ADAM18: variants seen among roughly 807,000 people sequenced by gnomAD.
The protein encoded by ADAM18 is disintegrin and metalloproteinase domain-containing protein 18.
ADAM18 carries 117 observed loss-of-function variants against 94.4 expected under a neutral mutation model. That is an observed-to-expected ratio of 1.24 (90% confidence interval 1.07 to 1.45). The LOEUF (loss-of-function observed/expected upper bound fraction) is 1.45. Among genes scored for constraint, ADAM18 ranks in the 40% most tolerant of loss-of-function variants. The probability of loss-of-function intolerance (pLI) is 0.00; values close to 1 mark genes in which losing one functional copy is unlikely to be tolerated. For synonymous variants in ADAM18, 327 were observed against 291.6 expected (o/e 1.12, Z -1.24); for missense variants, 936 against 880.0 (o/e 1.06, Z -0.81).
At chr8:39,673,466 C>T (rs1821210687) in intron 14 of ADAM18, among the ~76,000 whole-genome samples, 1 of 152,068 alleles carries the variant, frequency 6.6e-6, no homozygotes, top group Non-Finnish European at 1.5e-5. Context: ...ATCCCTCTCC[C>T]CACACCCCAC....
chr8:39,636,899 T>G lies in ADAM18; in HGVS notation c.589-365T>G, dbSNP rs929357444. 3.3e-5 allele frequency among the ~76,000 whole-genome samples: 5 copies of G among 151,584 alleles called. No individual in the cohort carries two copies. The East Asian group carries it at 9.7e-4, about 29-fold the overall frequency. ...CACATATAAGTGAGATCATGTAGTATTTTCTTTTCTGTATCTGGCTTATTT... is the reference window on the plus strand; with the variant it reads ...CACATATAAGTGAGATCATGTAGTAGTTTCTTTTCTGTATCTGGCTTATTT... On this transcript the variant is annotated intron_variant, in intron 7 of 19. Transcript: ENST00000265707.
chr8:39,700,748 C>T (rs1017695692), intron 17 of ADAM18, among the ~76,000 whole-genome samples: 2 of 151,886 alleles, frequency 1.3e-5, no homozygotes, highest in Non-Finnish European at 2.9e-5. Flanking sequence ...AAAATTTTTG[C>T]TCAAAACTAA....
rs1010714069 is a variant in ADAM18 at position 39,628,706 on chromosome 8, T to C, written c.523-668T>C. 4.6e-5 allele frequency among the ~76,000 whole-genome samples: 7 copies of C among 152,162 alleles called. No individual in the cohort carries two copies. In the South Asian group the frequency reaches 1.4e-3, roughly 32 times the overall value. On this transcript the variant is annotated intron_variant, in intron 6 of 19. Transcript: ENST00000265707. ...CTATATGTGAGAAGGCACTTCAGCT[T>C]GTTAGAAATAAAGCTCATGTAAAAT...
Position 39,585,259 on chromosome 8 carries a change from A to T in ADAM18, c.56-17A>T. 1 of 1,603,706 alleles carries T rather than the reference A, an allele frequency of 6.2e-7. No individual in the cohort carries two copies. Among genetic ancestry groups the T allele is most frequent in the Non-Finnish European group, 8.5e-7 (1 of 1,172,270 alleles). ...ATGCAAAACAAAGACAAAAACAAAC[A>T]CATTTTCTTACTGCAGGTTCTGAAG... On this transcript the variant is annotated splice_polypyrimidine_tract_variant and intron_variant, in intron 1 of 19. Transcript: ENST00000265707.
intron 18 of ADAM18, among the ~76,000 whole-genome samples, chr8:39,707,485 C>T (rs960597311): frequency 6.6e-6 from 1 of 152,174 alleles, no homozygotes; most frequent in African/African-American, 2.4e-5. Context: ...TCTTTTCTGT[C>T]TTAACTAAGC....
chr8:39,628,413 A>G (rs1819833277), intron 6 of ADAM18, among the ~76,000 whole-genome samples: 1 of 125,976 alleles, frequency 7.9e-6, no homozygotes, highest in Non-Finnish European at 1.7e-5. Flanking sequence ...AGACTGATAG[A>G]TCAATAGATA....
intron 6 of ADAM18, among the ~76,000 whole-genome samples, chr8:39,628,317 C>T (rs1000327389): frequency 6.6e-6 from 1 of 150,672 alleles, no homozygotes; most frequent in Non-Finnish European, 1.5e-5. Context: ...CATGTATACA[C>T]AAAGAGAGGA....
intron 16 of ADAM18, among the ~76,000 whole-genome samples, chr8:39,684,177 C>A (rs988017317): frequency 6.6e-6 from 1 of 151,826 alleles, no homozygotes; most frequent in Non-Finnish European, 1.5e-5. Context: ...AGTAAATAAA[C>A]AATAAATTGA....
intron 17 of ADAM18, among the ~76,000 whole-genome samples, chr8:39,694,247 C>T (rs1821860411): frequency 6.6e-6 from 1 of 151,114 alleles, no homozygotes; most frequent in Non-Finnish European, 1.5e-5. Context: ...TTATAATTTT[C>T]AATTAAAATT....
intron 6 of ADAM18, among the ~76,000 whole-genome samples, chr8:39,627,959 T>C (rs1308824353): frequency 6.6e-6 from 1 of 152,116 alleles, no homozygotes; most frequent in Non-Finnish European, 1.5e-5. Context: ...ACTTTACTTA[T>C]CCTTCATTTA....
At chr8:39,671,457 GC>G (rs1004071238) in intron 14 of ADAM18, among the ~76,000 whole-genome samples, 3 of 152,158 alleles carry the variant, frequency 2.0e-5, no homozygotes, top group Non-Finnish European at 2.9e-5. Context: ...CTTATAAAGA[GC>G]CCCTCATCTT....
intron 6 of ADAM18, among the ~76,000 whole-genome samples, chr8:39,628,741 A>G (rs1361336245): frequency 6.6e-6 from 1 of 152,072 alleles, no homozygotes; most frequent in African/African-American, 2.4e-5. Flanking sequence ...TTATCAATAA[A>G]GTGTTAAATG....
chr8:39,684,610 G>A (rs1585978253), intron 16 of ADAM18, among the ~76,000 whole-genome samples: 1 of 152,090 alleles, frequency 6.6e-6, no homozygotes, highest in African/African-American at 2.4e-5. Context: ...GAGGTTGAGG[G>A]GGCAGTTCTG....
chr8:39,585,450 C>A, intron 2 of ADAM18, 98 bp downstream of exon 2: 1 of 857,312 alleles, frequency 1.2e-6, no homozygotes, highest in Non-Finnish European at 1.8e-6. Flanking sequence ...TATTCATTGC[C>A]AAATCATAAT....
intron 12 of ADAM18, among the ~76,000 whole-genome samples, chr8:39,655,187 T>A (rs1820653703): frequency 6.6e-6 from 1 of 152,176 alleles, no homozygotes; most frequent in Non-Finnish European, 1.5e-5. Flanking sequence ...TTTAACTCAC[T>A]TTTAGTTAAT....
At chr8:39,660,337 A>G (rs997201088) in intron 12 of ADAM18, among the ~76,000 whole-genome samples, 1 of 152,158 alleles carries the variant, frequency 6.6e-6, no homozygotes, top group Non-Finnish European at 1.5e-5. Flanking sequence ...AGATTAAATT[A>G]TATGCTACAT....
At chr8:39,609,605 T>C (rs1165924974) in intron 5 of ADAM18, 44 bp downstream of exon 5, 1 of 1,422,656 alleles carries the variant, frequency 7.0e-7, no homozygotes, top group African/African-American at 1.4e-5. Flanking sequence ...GAACTTAAGA[T>C]AGTCTTTAAA....
At position 39,605,531 on chromosome 8, in the gene ADAM18, T is replaced by G. The variant is rs891457005; in HGVS notation, c.133-776T>G. 4.6e-5 allele frequency among the ~76,000 whole-genome samples: 7 copies of G among 152,288 alleles called. No homozygotes were observed. In the East Asian group the frequency reaches 1.4e-3, roughly 29 times the overall value. On this transcript the variant is annotated intron_variant, in intron 2 of 19. Coordinates refer to ENST00000265707, the MANE Select transcript of ADAM18 (RefSeq NM_014237.3). The stretch of plus-strand genomic sequence containing the variant: ...TGACTGCACATATGTATGTATATAT[T>G]AAAATTTGTTACTGGTTCGTTATAT...
At chr8:39,604,874 G>C (rs1048333709) in intron 2 of ADAM18, 1 of 152,092 alleles carries the variant, frequency 6.6e-6, no homozygotes. Context: ...TTTATTTGTT[G>C]AATTTGTTAT....
Sources: gnomAD v4.1 joint callset for allele counts (sites outside exome capture counted in the v4.1 genomes callset) on GRCh38, gnomAD v4.1.1 for gene constraint, MANE v1.5 for transcripts, NCBI Gene and HGNC (gene_info 2026-07-23, HGNC 2026-07-21) for gene names.